ARIH2: variants seen among roughly 807,000 people sequenced by gnomAD.
The protein encoded by ARIH2 is E3 ubiquitin-protein ligase ARIH2.
A neutral mutation model predicts 79.8 loss-of-function variants in ARIH2; 12 were observed. The ratio of observed to expected loss-of-function variants is 0.15; its 90% confidence interval spans 0.10 to 0.24. The LOEUF (loss-of-function observed/expected upper bound fraction) is 0.24. ARIH2 is among the 10% of genes least tolerant of loss of function. The pLI, the probability that ARIH2 is intolerant of heterozygous loss-of-function variation, is 1.00. For synonymous variants in ARIH2, 224 were observed against 213.9 expected (o/e 1.05, Z -0.41); for missense variants, 301 against 618.3 (o/e 0.49, Z 5.44).
At position 48,945,702 on chromosome 3, in the gene ARIH2, G is replaced by A. The variant is rs934235146; in HGVS notation, c.256-15910G>A. 2.3e-4 allele frequency among the ~76,000 whole-genome samples: 35 copies of A among 152,296 alleles called. No individual in the cohort carries two copies. In the South Asian group the frequency reaches 3.3e-3, roughly 14 times the overall value. ...TCTGATAGAAGACTTGCTTGAATGC[G>A]GTGGAGGGGAAGGGACTTGGTAGAA... On this transcript the variant is annotated intron_variant, in intron 3 of 15. Coordinates refer to ENST00000356401, the MANE Select transcript of ARIH2 (RefSeq NM_006321.4).
At chr3:48,935,863 A>G (rs931638034) in intron 3 of ARIH2, among the ~76,000 whole-genome samples, 2 of 152,030 alleles carry the variant, frequency 1.3e-5, no homozygotes, top group African/African-American at 4.8e-5. Context: ...CACATTGAGG[A>G]TGGTTCTGGG....
chr3:48,924,182 C>T (rs1357085132), intron 2 of ARIH2, among the ~76,000 whole-genome samples: 2 of 151,918 alleles, frequency 1.3e-5, no homozygotes, highest in African/African-American at 2.4e-5. Context: ...TTTTGGTAGA[C>T]GTGAGTGTCA....
intron 3 of ARIH2, among the ~76,000 whole-genome samples, chr3:48,941,750 G>A (rs1316266608): frequency 1.3e-5 from 2 of 150,604 alleles, no homozygotes; most frequent in South Asian, 2.1e-4. Context: ...CTGCCACCAC[G>A]CCCGGCTAAT....
At chr3:48,947,662 T>C (rs138742821) in intron 3 of ARIH2, among the ~76,000 whole-genome samples, 2 of 152,334 alleles carry the variant, frequency 1.3e-5, no homozygotes, top group East Asian at 3.9e-4. Context: ...GATGCAGTAA[T>C]ATAAGGGTCA....
intron 8 of ARIH2, among the ~76,000 whole-genome samples, chr3:48,973,097 T>C (rs780733636): frequency 1.3e-5 from 2 of 152,244 alleles, no homozygotes; most frequent in African/African-American, 2.4e-5. Flanking sequence ...TATTTCAGTA[T>C]AACTCTGGGT....
At chr3:48,955,817 G>A (rs902098177) in intron 3 of ARIH2, among the ~76,000 whole-genome samples, 8 of 152,158 alleles carry the variant, frequency 5.3e-5, no homozygotes, top group Non-Finnish European at 1.0e-4. Context: ...AGTTGAGATG[G>A]GGGTTCAGTC....
chr3:48,919,201 C>T, intron 1 of ARIH2: 1 of 1,285,088 alleles, frequency 7.8e-7, no homozygotes, highest in Non-Finnish European at 9.8e-7. Flanking sequence ...TTTTTCCTCC[C>T]GCCGCCTTCT....
At chr3:48,942,799 G>A (rs970857309) in intron 3 of ARIH2, among the ~76,000 whole-genome samples, 7 of 151,986 alleles carry the variant, frequency 4.6e-5, no homozygotes, top group Middle Eastern at 6.8e-3. Flanking sequence ...TTACATGCAC[G>A]TGCCACCACA....
intron 2 of ARIH2, 31 bp from the exon 3 acceptor site, chr3:48,927,431 A>G: frequency 8.4e-7 from 1 of 1,192,712 alleles, no homozygotes; most frequent in Non-Finnish European, 1.2e-6. Context: ...ATGGGGAAAA[A>G]GTAACACTTA....
intron 3 of ARIH2, among the ~76,000 whole-genome samples, chr3:48,956,808 C>T (rs2090643887): frequency 6.6e-6 from 1 of 151,974 alleles, no homozygotes; most frequent in Non-Finnish European, 1.5e-5. Flanking sequence ...AAGCGATTCT[C>T]CTGCCTCAGC....
chr3:48,959,674 A>AAAAAAAAAAAAAAAC (rs2091041882), intron 3 of ARIH2, among the ~76,000 whole-genome samples: 2 of 150,764 alleles, frequency 1.3e-5, no homozygotes, highest in Non-Finnish European at 3.0e-5. Context: ...AAAAAAAAAA[A>AAAAAAAAAAAAAAAC]AGAAAAGAAA....
intron 3 of ARIH2, among the ~76,000 whole-genome samples, chr3:48,947,310 G>A (rs1188707908): frequency 1.3e-5 from 2 of 152,060 alleles, no homozygotes; most frequent in African/African-American, 2.4e-5. Flanking sequence ...GCGTTGTAGC[G>A]CATGCCTATA....
At chr3:48,968,687 T>TC in intron 7 of ARIH2, 32 bp downstream of exon 7, 1 of 1,594,448 alleles carries the variant, frequency 6.3e-7, no homozygotes, top group South Asian at 1.1e-5. Flanking sequence ...CCCTCTGTCT[T>TC]CCCGGGCCTA....
At chr3:48,978,031 A>G (rs982553764) in intron 11 of ARIH2, among the ~76,000 whole-genome samples, 7 of 152,268 alleles carry the variant, frequency 4.6e-5, no homozygotes, top group Non-Finnish European at 7.4e-5. Context: ...CTAATAAGGT[A>G]TTATTAGAAC....
intron 3 of ARIH2, among the ~76,000 whole-genome samples, chr3:48,933,028 C>T (rs2086582958): frequency 6.6e-6 from 1 of 152,138 alleles, no homozygotes; most frequent in African/African-American, 2.4e-5. Context: ...AGCATCTTTG[C>T]TGTTGGTGGA....
intron 11 of ARIH2, 71 bp from the exon 12 acceptor site, chr3:48,979,411 C>G: frequency 2.0e-6 from 3 of 1,535,396 alleles, no homozygotes; most frequent in Non-Finnish European, 2.7e-6. Context: ...CTGTCTGTCT[C>G]ACTCCTCTGC....
At chr3:48,962,316 G>T (rs2091358224) in intron 4 of ARIH2, among the ~76,000 whole-genome samples, 1 of 151,994 alleles carries the variant, frequency 6.6e-6, no homozygotes, top group East Asian at 1.9e-4. Context: ...GGCAGAGGTT[G>T]CAGTGAGCCG....
chr3:48,922,701 G>A (rs1290523762), intron 1 of ARIH2, 47 bp from the exon 2 acceptor site: 3 of 151,846 alleles, frequency 2.0e-5, no homozygotes, highest in Non-Finnish European at 4.4e-5. Context: ...ACTTGCAAAA[G>A]CAGTATACCA....
intron 7 of ARIH2, among the ~76,000 whole-genome samples, chr3:48,969,994 G>A (rs534782375): frequency 4.0e-5 from 6 of 151,232 alleles, no homozygotes; most frequent in East Asian, 3.9e-4. Context: ...AGGTTCAAGC[G>A]ATTCTGCAGC....
Sources: allele counts gnomAD v4.1 joint callset (sites outside exome capture counted in the v4.1 genomes callset), GRCh38; gene constraint gnomAD v4.1.1; transcripts MANE v1.5; gene names NCBI Gene and HGNC (gene_info 2026-07-23, HGNC 2026-07-21).